GRIK2: variants seen among roughly 807,000 people sequenced by gnomAD.
GRIK2 encodes glutamate ionotropic receptor kainate type subunit 2.
In GRIK2, 32 loss-of-function variants were observed where a neutral mutation model predicts 100.3. The observed-to-expected ratio is 0.32, with a 90% CI of 0.24 to 0.43. GRIK2 has a LOEUF of 0.43. Ranked by LOEUF, GRIK2 falls within the 20% of genes least tolerant of loss-of-function variation. The pLI is 1.00. For missense variants in GRIK2, 843 were observed against 1,114.9 expected (o/e 0.76, Z 3.47); for synonymous variants, 417 against 389.4 (o/e 1.07, Z -0.83).
chr6:101,613,955 A>T (rs1242087687), intron 2 of GRIK2, among the ~76,000 whole-genome samples: 3 of 151,624 alleles, frequency 2.0e-5, no homozygotes, highest in Non-Finnish European at 4.4e-5. Flanking sequence ...AAACTTTAGG[A>T]AAACAGGGGA....
At chr6:101,745,529 AT>A (rs1179332409) in intron 7 of GRIK2, among the ~76,000 whole-genome samples, 5 of 152,150 alleles carry the variant, frequency 3.3e-5, no homozygotes, top group African/African-American at 1.2e-4. Context: ...TTTTATATAT[AT>A]TTTTTGAGAA....
intron 14 of GRIK2, among the ~76,000 whole-genome samples, chr6:101,996,593 A>T (rs949675170): frequency 1.8e-4 from 28 of 152,110 alleles, no homozygotes; most frequent in African/African-American, 6.3e-4. Context: ...TTTTTTAGAA[A>T]ATTACCCATA....
intron 2 of GRIK2, among the ~76,000 whole-genome samples, chr6:101,530,638 T>C (rs755533531): frequency 4.6e-5 from 7 of 152,010 alleles, no homozygotes; most frequent in Non-Finnish European, 7.4e-5. Context: ...ATGGGGGCAG[T>C]TGCAGTTTTT....
intron 4 of GRIK2, among the ~76,000 whole-genome samples, chr6:101,650,822 C>G (rs1044616744): frequency 2.0e-4 from 30 of 151,954 alleles, no homozygotes; most frequent in Admixed American, 1.8e-3. Flanking sequence ...GGCTTACAGA[C>G]CAATTTCTTC....
At chr6:101,602,559 T>C (rs547881025) in intron 2 of GRIK2, among the ~76,000 whole-genome samples, 4 of 151,634 alleles carry the variant, frequency 2.6e-5, no homozygotes, top group East Asian at 3.9e-4. Context: ...ATGATTAGTT[T>C]TTTTTTAAAG....
At chr6:101,706,954 A>G (rs1243024804) in intron 7 of GRIK2, among the ~76,000 whole-genome samples, 1 of 151,852 alleles carries the variant, frequency 6.6e-6, no homozygotes, top group Non-Finnish European at 1.5e-5. Context: ...TGGGCCTTTC[A>G]GTGAAGTTGT....
chr6:101,402,776 C>T (rs1775390277), intron 2 of GRIK2, among the ~76,000 whole-genome samples: 1 of 152,196 alleles, frequency 6.6e-6, no homozygotes, highest in Non-Finnish European at 1.5e-5. Flanking sequence ...GCAGGCGTCT[C>T]CAGAGCGCTG....
intron 2 of GRIK2, among the ~76,000 whole-genome samples, chr6:101,515,026 T>C (rs543794184): frequency 6.6e-6 from 1 of 152,222 alleles, no homozygotes; most frequent in Admixed American, 6.6e-5. Flanking sequence ...ATCATATTTA[T>C]AGTCTTTTAT....
intron 7 of GRIK2, among the ~76,000 whole-genome samples, chr6:101,783,317 GCT>G (rs371239986): frequency 0.027 from 3,922 of 144,838 alleles, 170 homozygotes; most frequent in African/African-American, 0.091. Context: ...CCATTTGCAT[GCT>G]CTCTCTCTCT....
intron 7 of GRIK2, among the ~76,000 whole-genome samples, chr6:101,747,349 G>T (rs1319832428): frequency 6.6e-6 from 1 of 152,206 alleles, no homozygotes; most frequent in Non-Finnish European, 1.5e-5. Context: ...TTGTCAGCAG[G>T]TGTGATAAGG....
At chr6:101,518,555 A>T (rs993108429) in intron 2 of GRIK2, among the ~76,000 whole-genome samples, 1 of 152,160 alleles carries the variant, frequency 6.6e-6, no homozygotes, top group Non-Finnish European at 1.5e-5. Flanking sequence ...ATGTATGAGT[A>T]AGTGACAAAA....
chr6:101,866,679 G>C (rs1237994348), intron 11 of GRIK2, among the ~76,000 whole-genome samples: 1 of 151,928 alleles, frequency 6.6e-6, no homozygotes, highest in Non-Finnish European at 1.5e-5. Context: ...ATTTGAATTT[G>C]GTCAAATAGT....
intron 2 of GRIK2, among the ~76,000 whole-genome samples, chr6:101,427,801 T>C (rs1343120965): frequency 6.6e-6 from 1 of 152,218 alleles, no homozygotes; most frequent in Admixed American, 6.5e-5. Flanking sequence ...AGTCAGTCAC[T>C]TTGTCTGCCA....
At chr6:101,624,364 C>A (rs546062523) in intron 3 of GRIK2, among the ~76,000 whole-genome samples, 56 of 151,922 alleles carry the variant, frequency 3.7e-4, no homozygotes, top group Non-Finnish European at 4.0e-4. Flanking sequence ...TCAAGTCTAG[C>A]CACCATTTAT....
At chr6:101,497,632 A>T (rs1672948325) in intron 2 of GRIK2, among the ~76,000 whole-genome samples, 1 of 152,072 alleles carries the variant, frequency 6.6e-6, no homozygotes, top group South Asian at 2.1e-4. Context: ...TTGTTTATAT[A>T]CCTAACATAT....
At chr6:101,505,335 C>T (rs1206701614) in intron 2 of GRIK2, among the ~76,000 whole-genome samples, 1 of 152,014 alleles carries the variant, frequency 6.6e-6, no homozygotes, top group Non-Finnish European at 1.5e-5. Flanking sequence ...AAATGACTTG[C>T]CGAAGCTTTC....
At chr6:101,454,389 G>C (rs1562149340) in intron 2 of GRIK2, among the ~76,000 whole-genome samples, 1 of 152,104 alleles carries the variant, frequency 6.6e-6, no homozygotes, top group Non-Finnish European at 1.5e-5. Flanking sequence ...ATAAATTTAT[G>C]AGATACCAGT....
At chr6:101,451,695 A>AG (rs66705609) in intron 2 of GRIK2, among the ~76,000 whole-genome samples, 21,080 of 122,046 alleles carry the variant, frequency 0.17, 1,965 homozygotes, top group African/African-American at 0.21. Context: ...TTTATCTCTG[A>AG]GGGGGGGGGG....
At chr6:101,428,069 ATC>A (rs1389793044) in intron 2 of GRIK2, among the ~76,000 whole-genome samples, 4 of 152,238 alleles carry the variant, frequency 2.6e-5, no homozygotes, top group Admixed American at 1.3e-4. Context: ...AGGAATTAAT[ATC>A]TGTGTTTGAA....
Sources: gnomAD v4.1 joint callset for allele counts (sites outside exome capture counted in the v4.1 genomes callset) on GRCh38, gnomAD v4.1.1 for gene constraint, MANE v1.5 for transcripts, NCBI Gene and HGNC (gene_info 2026-07-23, HGNC 2026-07-21) for gene names.